ZNF566: variants seen among roughly 807,000 people sequenced by gnomAD.
ZNF566 encodes the protein zinc finger protein 566.
Under a neutral mutation model 32.8 loss-of-function variants are expected in ZNF566, and 27 were observed. The observed-to-expected ratio is 0.82, with a 90% CI of 0.61 to 1.14. The LOEUF is 1.14. Ranked by LOEUF, ZNF566 falls within the 50% of genes most tolerant of loss-of-function variation. The probability of loss-of-function intolerance (pLI) is 0.00; values close to 1 mark genes in which losing one functional copy is unlikely to be tolerated. For synonymous variants in ZNF566, 154 were observed against 159.5 expected, an observed-to-expected ratio of 0.97 and a Z score of 0.26; for missense variants, 402 against 490.4, an observed-to-expected ratio of 0.82 and a Z score of 1.70.
chr19:36,471,937 T>G (rs565703809), intron 4 of ZNF566, among the ~76,000 whole-genome samples: 1 of 152,060 alleles, frequency 6.6e-6, no homozygotes, highest in South Asian at 2.1e-4. Flanking sequence ...AGAGATGGGG[T>G]TTCATCATGT....
chr19:36,461,484 C>G (rs2033460584), intron 4 of ZNF566, among the ~76,000 whole-genome samples: 1 of 151,964 alleles, frequency 6.6e-6, no homozygotes, highest in Non-Finnish European at 1.5e-5. Flanking sequence ...CTGGCCAACA[C>G]GGTAAAACCT....
At chr19:36,455,912 G>A (rs781249586) in intron 4 of ZNF566, among the ~76,000 whole-genome samples, 5 of 151,458 alleles carry the variant, frequency 3.3e-5, no homozygotes, top group East Asian at 2.0e-4. Flanking sequence ...GGTGGTGGGC[G>A]CCTATAGTCC....
At chr19:36,453,158 G>C (rs953859881) in intron 4 of ZNF566, among the ~76,000 whole-genome samples, 1 of 149,786 alleles carries the variant, frequency 6.7e-6, no homozygotes, top group African/African-American at 2.5e-5. Context: ...CAAAAAAAAA[G>C]TTAAAAGACA....
intron 2 of ZNF566, among the ~76,000 whole-genome samples, chr19:36,473,882 A>G (rs2033824108): frequency 6.6e-6 from 1 of 152,234 alleles, no homozygotes; most frequent in South Asian, 2.1e-4. Context: ...AAAAGCCACC[A>G]GAGAGAAGAG....
chr19:36,488,038 CTA>C (rs2034214542), intron 1 of ZNF566, among the ~76,000 whole-genome samples: 1 of 151,344 alleles, frequency 6.6e-6, no homozygotes, highest in African/African-American at 2.4e-5. Context: ...TTGTATAGAT[CTA>C]AGAGTGTTAC....
At chr19:36,463,278 G>A (rs2145664083) in intron 4 of ZNF566, among the ~76,000 whole-genome samples, 1 of 152,158 alleles carries the variant, frequency 6.6e-6, no homozygotes, top group African/African-American at 2.4e-5. Context: ...ACTCCAGCTG[G>A]AATTATCTCT....
chr19:36,455,485 T>C (rs1242934845), intron 4 of ZNF566, among the ~76,000 whole-genome samples: 1 of 152,206 alleles, frequency 6.6e-6, no homozygotes, highest in Non-Finnish European at 1.5e-5. Context: ...CTCCCACCTG[T>C]AATTCCCGCA....
intron 1 of ZNF566, among the ~76,000 whole-genome samples, chr19:36,484,315 T>C (rs1026107365): frequency 6.6e-6 from 1 of 152,252 alleles, no homozygotes; most frequent in Non-Finnish European, 1.5e-5. Flanking sequence ...CAATTCTGTC[T>C]ACCTGTTAGG....
intron 4 of ZNF566, among the ~76,000 whole-genome samples, chr19:36,467,436 A>T (rs2033644137): frequency 1.5e-5 from 1 of 67,338 alleles, no homozygotes; most frequent in Non-Finnish European, 3.2e-5. Context: ...CTCTGTCTCA[A>T]AAAAAAAAAA....
chr19:36,476,923 T>C (rs2033900945), intron 1 of ZNF566, among the ~76,000 whole-genome samples: 1 of 152,218 alleles, frequency 6.6e-6, no homozygotes, highest in Non-Finnish European at 1.5e-5. Flanking sequence ...TTACATATCT[T>C]GGAATGAAGT....
rs1286480585 is a variant in ZNF566 at position 36,445,302 on chromosome 19, G to C, written c.*3675C>G. 1 of 152,146 alleles carries C rather than the reference G, an allele frequency of 6.6e-6. No homozygotes were observed. The highest frequency in any genetic ancestry group is 1.9e-4 in the East Asian group (1 of 5,198). 9.4% of individuals were successfully genotyped at this position (152,146 alleles called of 1,614,324 possible). ...TAGTATTTTAATTCAGTAGGAGAAAGGTGAATAATAGTTACTTCTGGCATA... is the reference window on the plus strand; with the variant it reads ...TAGTATTTTAATTCAGTAGGAGAAACGTGAATAATAGTTACTTCTGGCATA... On this transcript the variant is annotated 3_prime_UTR_variant, in exon 5 of 5. Transcript: ENST00000452939.
intron 1 of ZNF566, among the ~76,000 whole-genome samples, chr19:36,488,245 G>A (rs1014972824): frequency 2.0e-5 from 3 of 152,022 alleles, no homozygotes; most frequent in South Asian, 2.1e-4. Flanking sequence ...CACCATGCCC[G>A]GCTAATTTTT....
Position 36,449,802 on chromosome 19 carries a change from G to T in ZNF566, c.432C>A (p.Phe144Leu). The change falls in exon 5 of 5, where the codon TTC becomes TTA. Residue 144 changes from phenylalanine (F) to leucine (L), a missense_variant. Transcript: ENST00000452939. ...TCAAAGTGGGCAGATCTTCATGAGT[G>T]AATACCAATTGATTGAAATGTCCCC... ...SQGGHFNQLVFTHEDLPTLSH... is the reference protein window; with the variant it reads ...SQGGHFNQLVLTHEDLPTLSH... 2 of 1,614,132 alleles carry T rather than the reference G, an allele frequency of 1.2e-6. No homozygotes were observed. The highest frequency in any genetic ancestry group is 2.2e-5 in the South Asian group (2 of 91,078).
chr19:36,468,210 A>AGTTT (rs2033676145), intron 4 of ZNF566, among the ~76,000 whole-genome samples: 2 of 150,534 alleles, frequency 1.3e-5, no homozygotes, highest in Middle Eastern at 3.4e-3. Flanking sequence ...AAAAAATTAA[A>AGTTT]GTTTGACAAT....
At chr19:36,464,579 G>T (rs906021842) in intron 4 of ZNF566, among the ~76,000 whole-genome samples, 1 of 152,110 alleles carries the variant, frequency 6.6e-6, no homozygotes, top group Non-Finnish European at 1.5e-5. Context: ...TTGGGAGTTC[G>T]AGATCAGCAT....
chr19:36,449,503 C>T lies in ZNF566; in HGVS notation c.731G>A (p.Arg244Gln), dbSNP rs766063537. Residue 244 changes from arginine (R) to glutamine (Q), a missense_variant, in exon 5 of 5, where the codon CGA (arginine) becomes CAA (glutamine). Around this residue, in one of 3 missense-constraint regions of ZNF566, gnomAD observed 135 missense variants for 210.0 expected, o/e 0.64. Coordinates refer to ENST00000452939, the MANE Select transcript of ZNF566 (RefSeq NM_001145344.1). ...CTCACCAGTGTGAATTCTGTGATGT[C>T]GAGTAAGGTCTGAGCCACAAATAAA... is the stretch of plus-strand genomic sequence containing the variant. ...KTFICGSDLT[R>Q]HHRIHTGEKP... 1.2e-5 allele frequency: 19 copies of T among 1,613,918 alleles called. No individual in the cohort carries two copies. Among genetic ancestry groups the T allele is most frequent in the Non-Finnish European group, 1.5e-5 (18 of 1,180,026 alleles).
chr19:36,483,575 C>G (rs1398772166), intron 1 of ZNF566, among the ~76,000 whole-genome samples: 2 of 151,244 alleles, frequency 1.3e-5, no homozygotes, highest in Admixed American at 1.3e-4. Context: ...CTTCTGATGG[C>G]CAAATATGGG....
chr19:36,475,915 A>C (rs566895539), intron 2 of ZNF566, among the ~76,000 whole-genome samples: 84 of 152,260 alleles, frequency 5.5e-4, no homozygotes, highest in African/African-American at 1.9e-3. Flanking sequence ...GATGAAACTG[A>C]TAGGGGATTT....
intron 4 of ZNF566, among the ~76,000 whole-genome samples, chr19:36,468,239 T>C (rs985272178): frequency 2.7e-5 from 4 of 149,660 alleles, no homozygotes; most frequent in East Asian, 2.0e-4. Context: ...TTAGGAAGCA[T>C]GTGCAACAAT....
Sources: allele counts gnomAD v4.1 joint callset (sites outside exome capture counted in the v4.1 genomes callset), GRCh38; gene constraint gnomAD v4.1.1; regional missense constraint gnomAD v4.1.1; transcripts MANE v1.5; gene names NCBI Gene and HGNC (gene_info 2026-07-23, HGNC 2026-07-21).